Variants in RGN observed in about 807,000 individuals in gnomAD.
The protein encoded by RGN is epididymis secretory protein Li 41.
A neutral mutation model predicts 20.6 loss-of-function variants in RGN; 19 were observed. That is an observed-to-expected ratio of 0.92 (90% CI 0.64 to 1.35). RGN has a LOEUF of 1.35. Ranked by LOEUF, RGN falls within the 40% of genes most tolerant of loss-of-function variation. The pLI, the probability that RGN is intolerant of heterozygous loss-of-function variation, is 0.00. For missense variants in RGN, 302 were observed against 232.7 expected, an observed-to-expected ratio of 1.30 and a Z score of -1.94; for synonymous variants, 85 against 87.2, an observed-to-expected ratio of 0.97 and a Z score of 0.14.
chrX:47,088,931 C>CAA (rs1192707605), intron 4 of RGN, among the ~76,000 whole-genome samples: 1 of 47,105 alleles, frequency 2.1e-5, no homozygotes, highest in Non-Finnish European at 3.9e-5. Flanking sequence ...AACACTCTGC[C>CAA]AAAAAAAAAA....
Position 47,090,961 on chromosome X carries a change from A to AAAGAAAGAAAGAAAG in RGN, c.563-714_563-700dup, listed in dbSNP as rs1930980109. Among the ~76,000 whole-genome samples, 87 of 63,599 alleles carry AAAGAAAGAAAGAAAG rather than the reference A, an allele frequency of 1.4e-3. 8 individuals are homozygous for AAAGAAAGAAAGAAAG. Among genetic ancestry groups the AAAGAAAGAAAGAAAG allele is most frequent in the African/African-American group, 5.5e-3 (85 of 15,483 alleles). The allele number at this position is 63,599 out of a possible 115,157, so 55.2% of individuals were successfully genotyped here. On this transcript the variant is annotated intron_variant, in intron 5 of 7. Transcript: ENST00000397180. ...GAAAGAAAGAAAGAAAGAAAGAAAG[A>AAAGAAAGAAAGAAAG]AAGAAAGAAAGAAAGAAAGAAAGAT...
chrX:47,091,817 T>G lies in RGN; in HGVS notation c.694+8T>G, dbSNP rs1556388009. 4 of 1,201,403 alleles carry G rather than the reference T, an allele frequency of 3.3e-6. No individual in the cohort carries two copies. The highest frequency in any genetic ancestry group is 4.5e-6 in the Non-Finnish European group (4 of 892,164). ...GTTTAGATCCTGTGACAGGTAGGCC[T>G]GCAGCAAAATGAAAAATCCTTGTCA... On this transcript the variant is annotated splice_region_variant and intron_variant, in intron 6 of 7. Coordinates refer to ENST00000397180, the MANE Select transcript of RGN (RefSeq NM_152869.4).
At chrX:47,086,140 C>T (rs1441856257) in intron 4 of RGN, among the ~76,000 whole-genome samples, 1 of 110,965 alleles carries the variant, frequency 9.0e-6, no homozygotes, top group Non-Finnish European at 1.9e-5. Context: ...TTGAAGAATA[C>T]AGCCAGGCCT....
In RGN at chrX:47,078,472, C is replaced by T. The variant is rs1930129074; in HGVS notation, c.-873C>T. ...CCGCTCATCCCGATCTCCCAGAAGG[C>T]GACTGACAGCTGACTGCCAGAAGGA... On this transcript the variant is annotated 5_prime_UTR_variant, in exon 1 of 8. Coordinates refer to ENST00000397180, the MANE Select transcript of RGN (RefSeq NM_152869.4). 8.9e-6 allele frequency: 1 copy of T among 112,850 alleles called. No individual in the cohort carries two copies. Among genetic ancestry groups the T allele is most frequent in the African/African-American group, 3.2e-5 (1 of 31,117 alleles). 9.3% of individuals were successfully genotyped at this position (112,850 alleles called of 1,213,427 possible). A position where few individuals can be genotyped will look rare whatever the true frequency, so the allele number is the denominator to read the frequency against.
At chrX:47,086,576 C>T (rs1398606442) in intron 4 of RGN, among the ~76,000 whole-genome samples, 1 of 109,805 alleles carries the variant, frequency 9.1e-6, no homozygotes, top group Non-Finnish European at 1.9e-5. Context: ...TCCACAGGGG[C>T]TGCAGCCTCG....
At chrX:47,092,780 G>A (rs782575926) in intron 7 of RGN, 117 bp from the exon 8 acceptor site, 1 of 563,710 alleles carries the variant, frequency 1.8e-6, no homozygotes, top group African/African-American at 2.3e-5. Flanking sequence ...TTTTATGATA[G>A]GAGATAAAAC....
intron 3 of RGN, 80 bp downstream of exon 3, chrX:47,081,387 A>G: frequency 2.2e-6 from 2 of 900,358 alleles, no homozygotes; most frequent in Non-Finnish European, 3.2e-6. Flanking sequence ...CCTTCTTGTT[A>G]AAGCACACTG....
At chrX:47,085,244 C>A (rs782738678) in intron 4 of RGN, among the ~76,000 whole-genome samples, 1 of 111,179 alleles carries the variant, frequency 9.0e-6, no homozygotes, top group East Asian at 2.9e-4. Flanking sequence ...ACAGGCCAGG[C>A]GTGGTGGCTC....
In RGN at chrX:47,089,867, C is replaced by T. The variant is rs183875696; in HGVS notation, c.438C>T (p.Tyr146=). The change falls in exon 5 of 8, where the codon TAC becomes TAT. Residue 146 remains tyrosine, a synonymous_variant. Coordinates refer to ENST00000397180, the MANE Select transcript of RGN (RefSeq NM_152869.4). ...TTCCTGATCACCACGTGAAAAAGTA[C>T]TTTGACCAGGTGGACATTTCCAATG... ...SLFPDHHVKK[Y]FDQVDISNGL... is the part of the protein sequence containing the mutation. The T allele has an allele frequency of 1.9e-5, 23 of 1,205,935 alleles. No individual in the cohort carries two copies. The East Asian group carries it at 3.3e-4, about 17-fold the overall frequency.
chrX:47,085,459 G>T (rs1219154698), intron 4 of RGN, among the ~76,000 whole-genome samples: 6 of 110,139 alleles, frequency 5.4e-5, no homozygotes, highest in Non-Finnish European at 1.1e-4. Flanking sequence ...GGAGCTTGCA[G>T]TAAGCTGTGG....
rs1314617349 is a variant in RGN at position 47,091,781 on chromosome X, A to G, written c.666A>G (p.Gly222=). 1 of 1,210,666 alleles carries G rather than the reference A, an allele frequency of 8.3e-7. No individual in the cohort carries two copies. The highest frequency in any genetic ancestry group is 1.1e-6 in the Non-Finnish European group (1 of 895,078). Residue 222 remains glycine (G), a synonymous_variant, in exon 6 of 8, where the codon GGA becomes GGG. Coordinates refer to ENST00000397180, the MANE Select transcript of RGN (RefSeq NM_152869.4). ...GKLWVACYNG[G]RVIRLDPVTG... ...TCTGGGTGGCCTGTTACAATGGAGG[A>G]AGAGTGATTCGTTTAGATCCTGTGA...
intron 3 of RGN, among the ~76,000 whole-genome samples, chrX:47,083,334 G>C (rs1930430175): frequency 9.2e-6 from 1 of 109,167 alleles, no homozygotes. Flanking sequence ...GGGAGGCGGA[G>C]GTTGCAGTGA....
chrX:47,087,804 T>G (rs1341485775), intron 4 of RGN, among the ~76,000 whole-genome samples: 4 of 103,871 alleles, frequency 3.9e-5, no homozygotes, highest in African/African-American at 1.4e-4. Flanking sequence ...ATATTATACT[T>G]ATAATAATAT....
chrX:47,083,496 A>C (rs534323974), intron 3 of RGN, among the ~76,000 whole-genome samples: 5 of 112,262 alleles, frequency 4.5e-5, no homozygotes, highest in Middle Eastern at 4.6e-3. Flanking sequence ...AAGAGATGTG[A>C]TTGTACTATC....
At chrX:47,082,992 T>C (rs1236837906) in intron 3 of RGN, among the ~76,000 whole-genome samples, 1 of 111,296 alleles carries the variant, frequency 9.0e-6, no homozygotes, top group Non-Finnish European at 1.9e-5. Flanking sequence ...TATCTTACAC[T>C]GAAGGGGTGC....
At chrX:47,081,375 A>G in intron 3 of RGN, 68 bp downstream of exon 3, 1 of 1,009,329 alleles carries the variant, frequency 9.9e-7, no homozygotes, top group Non-Finnish European at 1.4e-6. Context: ...TCACCACGGC[A>G]CCCTTCTTGT....
chrX:47,085,157 G>A (rs1930528682), intron 4 of RGN, among the ~76,000 whole-genome samples: 1 of 111,676 alleles, frequency 9.0e-6, no homozygotes, highest in African/African-American at 3.3e-5. Flanking sequence ...GTTTAAATGA[G>A]TTTTAAATAC....
chrX:47,084,733 C>T (rs1014631199), intron 4 of RGN, 133 bp downstream of exon 4: 10 of 511,239 alleles, frequency 2.0e-5, no homozygotes, highest in Admixed American at 4.2e-5. Flanking sequence ...GCGAGTAGGT[C>T]GCATGAGCCC....
At chrX:47,090,887 G>GAAAGAAAGAAAGAAAGAAGAAAGA (rs1308179351) in intron 5 of RGN, among the ~76,000 whole-genome samples, 3 of 23,158 alleles carry the variant, frequency 1.3e-4, no homozygotes, top group Non-Finnish European at 2.0e-4. Context: ...AGAAAGAAAA[G>GAAAGAAAGAAAGAAAGAAGAAAGA]AAGAAGAAAG....
Sources: gnomAD v4.1 joint callset for allele counts (sites outside exome capture counted in the v4.1 genomes callset) on GRCh38, gnomAD v4.1.1 for gene constraint, MANE v1.5 for transcripts, NCBI Gene and HGNC (gene_info 2026-07-23, HGNC 2026-07-21) for gene names.